The following GRM8 variants were observed in gnomAD, a reference collection of about 807,000 sequenced individuals.
GRM8 encodes glutamate metabotropic receptor 8, also known as metabotropic glutamate receptor 8.
GRM8 carries 47 observed loss-of-function variants against 87.2 expected under a neutral mutation model. That is an observed-to-expected ratio of 0.54 (90% confidence interval 0.43 to 0.69). GRM8 has a LOEUF of 0.69. Ranked by LOEUF, GRM8 falls within the 30% of genes least tolerant of loss-of-function variation. The probability of loss-of-function intolerance (pLI) is 0.00; values close to 1 mark genes in which losing one functional copy is unlikely to be tolerated. For synonymous variants in GRM8, 396 were observed against 404.5 expected (o/e 0.98, Z 0.25); for missense variants, 1,019 against 1,139.2 (o/e 0.89, Z 1.52).
intron 3 of GRM8, among the ~76,000 whole-genome samples, chr7:126,930,221 G>T (rs1486688218): frequency 6.6e-6 from 1 of 152,180 alleles, no homozygotes; most frequent in Non-Finnish European, 1.5e-5. Context: ...CTGGCTGTGT[G>T]ATCTTACTGA....
chr7:126,853,382 AC>A (rs1222632853), intron 6 of GRM8, among the ~76,000 whole-genome samples: 1 of 151,936 alleles, frequency 6.6e-6, no homozygotes, highest in African/African-American at 2.4e-5. Flanking sequence ...TTTTGCACTT[AC>A]TTTAAGAGGC....
chr7:126,512,356 A>T (rs1298683652), intron 9 of GRM8: 1 of 152,100 alleles, frequency 6.6e-6, no homozygotes, highest in Non-Finnish European at 1.5e-5. Flanking sequence ...TGATAGTCTG[A>T]TTCAAATGAG....
chr7:126,945,751 A>C (rs1292664711), intron 3 of GRM8, among the ~76,000 whole-genome samples: 2 of 152,230 alleles, frequency 1.3e-5, no homozygotes, highest in Non-Finnish European at 2.9e-5. Flanking sequence ...ATTAACATTT[A>C]AATAAAAATA....
At chr7:127,055,387 T>C (rs768358313) in intron 3 of GRM8, among the ~76,000 whole-genome samples, 21 of 152,238 alleles carry the variant, frequency 1.4e-4, no homozygotes, top group Non-Finnish European at 2.1e-4. Flanking sequence ...TAAAGAAATA[T>C]ATGGTATGGA....
intron 2 of GRM8, among the ~76,000 whole-genome samples, chr7:127,200,279 T>A (rs1795515675): frequency 6.6e-6 from 1 of 152,162 alleles, no homozygotes; most frequent in African/African-American, 2.4e-5. Flanking sequence ...TTCTTTAGAT[T>A]TTTTTTAAGA....
intron 9 of GRM8, among the ~76,000 whole-genome samples, chr7:126,452,128 T>C (rs537301457): frequency 1.3e-5 from 2 of 151,804 alleles, no homozygotes; most frequent in African/African-American, 2.4e-5. Flanking sequence ...GTTCATGTCC[T>C]TTGTAGGGAC....
At chr7:127,251,492 C>A (rs1274700275) in intron 1 of GRM8, among the ~76,000 whole-genome samples, 4 of 152,198 alleles carry the variant, frequency 2.6e-5, no homozygotes, top group African/African-American at 9.7e-5. Context: ...ATAACAGCGA[C>A]CACTCAGCCC....
chr7:127,043,189 T>C (rs1361736725), intron 3 of GRM8, among the ~76,000 whole-genome samples: 7 of 152,198 alleles, frequency 4.6e-5, no homozygotes, highest in African/African-American at 1.4e-4. Flanking sequence ...AGTTCAACCA[T>C]TGTGGAAGTC....
chr7:126,508,036 G>A (rs920275408), intron 9 of GRM8, among the ~76,000 whole-genome samples: 3 of 152,106 alleles, frequency 2.0e-5, no homozygotes, highest in South Asian at 2.1e-4. Context: ...AGTATAGAAC[G>A]TCAACAAGTG....
At chr7:126,616,184 C>T (rs1799471293) in intron 7 of GRM8, among the ~76,000 whole-genome samples, 1 of 152,152 alleles carries the variant, frequency 6.6e-6, no homozygotes, top group Non-Finnish European at 1.5e-5. Context: ...TCTCTCAGAC[C>T]ACAGTGCAAT....
chr7:126,861,533 C>T (rs755828152), intron 6 of GRM8, among the ~76,000 whole-genome samples: 31 of 151,906 alleles, frequency 2.0e-4, no homozygotes, highest in Non-Finnish European at 2.8e-4. Flanking sequence ...ATTTCCAATT[C>T]CCTATAACTT....
chr7:126,745,840 C>T (rs1056227070), intron 7 of GRM8, among the ~76,000 whole-genome samples: 6 of 151,746 alleles, frequency 4.0e-5, no homozygotes, highest in African/African-American at 1.4e-4. Flanking sequence ...ATACCACCCT[C>T]ACAATAAAAA....
rs1391789196 is a variant in GRM8, at chr7:126,825,302, G to A, written c.1157-55237C>T. On this transcript the variant is annotated intron_variant, in intron 6 of 10. Coordinates refer to ENST00000339582, the MANE Select transcript of GRM8 (RefSeq NM_000845.3). ...AGGATGGTCTCAATCTCCTGACCTT[G>A]TGATCTGCCCACCTTGGCCTCCCAA... Among the ~76,000 whole-genome samples, 3 of 152,258 alleles carry A rather than the reference G, an allele frequency of 2.0e-5. No individual in the cohort carries two copies. The East Asian group carries it at 5.8e-4, about 29-fold the overall frequency.
rs1218052225 is a variant in GRM8, at chr7:127,186,762, G to GA, written c.510+55932dup. On this transcript the variant is annotated intron_variant, in intron 2 of 10. Coordinates refer to ENST00000339582, the MANE Select transcript of GRM8 (RefSeq NM_000845.3). The stretch of plus-strand genomic sequence containing the variant: ...AGTTGTAATGCAAGAGATCTTATGG[G>GA]AAAAATAGTGTAAATAGGATGCACC... Among the ~76,000 whole-genome samples, 4 of 152,170 alleles carry GA rather than the reference G, an allele frequency of 2.6e-5. No individual in the cohort carries two copies. In the East Asian group the frequency reaches 5.8e-4, roughly 22 times the overall value.
chr7:126,723,551 G>A lies in GRM8; in HGVS notation c.1357+46314C>T, dbSNP rs1473456160. On this transcript the variant is annotated intron_variant, in intron 7 of 10. Transcript: ENST00000339582. ...TTTGTAATTATTAATGCTCAGAGGC[G>A]AACCAAAAAAAAAAAAAGTTTCACT... Among the ~76,000 whole-genome samples the A allele has an allele frequency of 6.2e-5, 7 of 112,274 alleles. No individual in the cohort carries two copies. In the South Asian group the frequency reaches 1.2e-3, roughly 20 times the overall value. 73.7% of individuals were successfully genotyped at this position (112,274 alleles called of 152,430 possible).
At chr7:127,081,668 TGA>T (rs1446136174) in intron 3 of GRM8, among the ~76,000 whole-genome samples, 18 of 151,968 alleles carry the variant, frequency 1.2e-4, no homozygotes, top group Non-Finnish European at 1.8e-4. Flanking sequence ...TGAATATGAA[TGA>T]GAGAGTGTGA....
At chr7:126,723,573 C>G (rs1379955458) in intron 7 of GRM8, among the ~76,000 whole-genome samples, 1 of 151,470 alleles carries the variant, frequency 6.6e-6, no homozygotes, top group Admixed American at 6.6e-5. Flanking sequence ...AAAAAAGTTT[C>G]ACTTTAGGCA....
intron 3 of GRM8, among the ~76,000 whole-genome samples, chr7:126,979,666 T>A (rs1161025516): frequency 2.0e-5 from 3 of 151,994 alleles, no homozygotes; most frequent in Non-Finnish European, 2.9e-5. Context: ...ACCTTCAGAG[T>A]AAACTCATTT....
At chr7:126,721,931 A>G (rs1051761002) in intron 7 of GRM8, among the ~76,000 whole-genome samples, 2 of 152,120 alleles carry the variant, frequency 1.3e-5, no homozygotes, top group African/African-American at 4.8e-5. Context: ...TTAGGCTAGG[A>G]CAAGACCTCC....
Sources: gnomAD v4.1 joint callset for allele counts (sites outside exome capture counted in the v4.1 genomes callset) on GRCh38, gnomAD v4.1.1 for gene constraint, MANE v1.5 for transcripts, NCBI Gene and HGNC (gene_info 2026-07-23, HGNC 2026-07-21) for gene names.